The following NTM variants were observed in gnomAD, a reference collection of about 807,000 sequenced individuals.
NTM encodes the protein IgLON family member 2.
NTM carries 13 observed loss-of-function variants against 42.1 expected under a neutral mutation model. That is an observed-to-expected ratio of 0.31 (90% CI 0.20 to 0.49). The LOEUF is 0.49. Ranked by LOEUF, NTM falls within the 20% of genes least tolerant of loss-of-function variation. The pLI is 0.99. For synonymous variants in NTM, 187 were observed against 179.2 expected (o/e 1.04, Z -0.35); for missense variants, 373 against 452.8 (o/e 0.82, Z 1.60).
intron 1 of NTM, among the ~76,000 whole-genome samples, chr11:131,710,317 A>C (rs371444888): frequency 1.3e-5 from 2 of 152,164 alleles, no homozygotes; most frequent in African/African-American, 4.8e-5. Context: ...AATACCCATG[A>C]TATCTTGTTG....
At chr11:132,273,312 T>TC (rs2093573967) in intron 4 of NTM, among the ~76,000 whole-genome samples, 1 of 100,748 alleles carries the variant, frequency 9.9e-6, no homozygotes, top group African/African-American at 3.0e-5. Flanking sequence ...GACTAGTGTT[T>TC]TTTTTTTTTT....
intron 1 of NTM, among the ~76,000 whole-genome samples, chr11:131,438,996 G>A (rs755865467): frequency 1.3e-5 from 2 of 152,188 alleles, no homozygotes; most frequent in Non-Finnish European, 2.9e-5. Context: ...TGTTGATGCT[G>A]ATGCTATTCT....
At chr11:131,704,645 G>A (rs2076405963) in intron 1 of NTM, among the ~76,000 whole-genome samples, 1 of 152,180 alleles carries the variant, frequency 6.6e-6, no homozygotes, top group African/African-American at 2.4e-5. Flanking sequence ...TAGAAATGGA[G>A]ATCTACAAAC....
intron 1 of NTM, among the ~76,000 whole-genome samples, chr11:131,523,635 C>CA (rs2050049513): frequency 6.6e-6 from 1 of 151,822 alleles, no homozygotes; most frequent in Admixed American, 6.6e-5. Context: ...ACTAAAAACA[C>CA]AAAAATTAGC....
At chr11:132,048,818 CTTT>C (rs10563617) in intron 2 of NTM, among the ~76,000 whole-genome samples, 10,005 of 132,884 alleles carry the variant, frequency 0.075, 1,041 homozygotes, top group African/African-American at 0.24. Context: ...TTTCTTTTTT[CTTT>C]TTTTTTTTTT....
chr11:131,794,886 C>T (rs1591908007), intron 1 of NTM: 1 of 985,256 alleles, frequency 1.0e-6, no homozygotes, highest in Non-Finnish European at 1.2e-6. Flanking sequence ...TATATGATGG[C>T]CACCCTTGTC....
intron 1 of NTM, among the ~76,000 whole-genome samples, chr11:131,492,608 T>C (rs1954918649): frequency 1.3e-5 from 2 of 152,306 alleles, no homozygotes; most frequent in Non-Finnish European, 2.9e-5. Context: ...CACACAGGAC[T>C]TGGCCCTTCC....
In NTM at chr11:132,094,835, A is replaced by ATG. The variant is rs760743648; in HGVS notation, c.168-51432_168-51431dup. Among the ~76,000 whole-genome samples, 747 of 151,200 alleles carry ATG rather than the reference A, an allele frequency of 4.9e-3. 4 individuals are homozygous for ATG. The highest frequency in any genetic ancestry group is 0.015 in the African/African-American group (628 of 41,296). ...TGAGTCCATGTGTGCATCAGTGTGT[A>ATG]TGTGTGTGTGTGTGTGCACTGCCTG... On this transcript the variant is annotated intron_variant, in intron 2 of 8. Coordinates refer to ENST00000683400, the MANE Select transcript of NTM (RefSeq NM_001352005.2).
intron 1 of NTM, among the ~76,000 whole-genome samples, chr11:131,812,144 GT>G (rs1166626631): frequency 6.6e-6 from 1 of 150,602 alleles, no homozygotes; most frequent in African/African-American, 2.5e-5. Flanking sequence ...GCCCTCTTGT[GT>G]TTTTTCTCTA....
chr11:132,273,720 A>G (rs952405472), intron 4 of NTM, among the ~76,000 whole-genome samples: 1 of 152,160 alleles, frequency 6.6e-6, no homozygotes, highest in Non-Finnish European at 1.5e-5. Flanking sequence ...CAGCCTGGCC[A>G]ACATGGTGAA....
chr11:131,968,772 C>G (rs372934307), intron 2 of NTM, among the ~76,000 whole-genome samples: 1 of 152,120 alleles, frequency 6.6e-6, no homozygotes, highest in Non-Finnish European at 1.5e-5. Flanking sequence ...TATCCTCCCC[C>G]GAAATGCATT....
intron 5 of NTM, among the ~76,000 whole-genome samples, chr11:132,308,822 A>G (rs1044680816): frequency 2.0e-5 from 3 of 152,220 alleles, no homozygotes; most frequent in African/African-American, 7.2e-5. Context: ...AAGGGACTTA[A>G]GAGGATTTAC....
At chr11:131,794,631 A>ATGAC (rs10624122) in intron 1 of NTM, 3 of 984,442 alleles carry the variant, frequency 3.0e-6, no homozygotes, top group Non-Finnish European at 3.6e-6. Context: ...TGTTGAATGA[A>ATGAC]TGAATGAATG....
At chr11:131,894,002 A>G (rs1217230039) in intron 1 of NTM, among the ~76,000 whole-genome samples, 3 of 152,228 alleles carry the variant, frequency 2.0e-5, no homozygotes, top group African/African-American at 7.2e-5. Context: ...AGAAAGGTGA[A>G]TATCTGGCAT....
intron 7 of NTM, among the ~76,000 whole-genome samples, chr11:132,320,885 C>T (rs2095549962): frequency 6.6e-6 from 1 of 151,690 alleles, no homozygotes; most frequent in South Asian, 2.1e-4. Flanking sequence ...CCCGAGCAGC[C>T]TAACTGGGAG....
At chr11:131,403,706 A>G (rs1207180430) in intron 1 of NTM, among the ~76,000 whole-genome samples, 1 of 152,178 alleles carries the variant, frequency 6.6e-6, no homozygotes, top group Non-Finnish European at 1.5e-5. Flanking sequence ...CAAAAGTTTT[A>G]TAATCTTCCA....
chr11:131,860,882 G>C (rs1421139490), intron 1 of NTM, among the ~76,000 whole-genome samples: 5 of 152,166 alleles, frequency 3.3e-5, no homozygotes, highest in African/African-American at 7.2e-5. Flanking sequence ...AAAAAGGCCT[G>C]GCTGCCAGAG....
chr11:131,494,172 ATTG>A (rs1955090630), intron 1 of NTM, among the ~76,000 whole-genome samples: 1 of 152,102 alleles, frequency 6.6e-6, no homozygotes, highest in Non-Finnish European at 1.5e-5. Flanking sequence ...AATTGTTACT[ATTG>A]TTATTATTAT....
rs1565684826 is a variant in NTM, at chr11:131,598,683, T to TTTTCTTTCTTTCTTTCTTTCTCTTTC, written c.82+227816_82+227817insCTTTCTTTCTTTCTTTCTTTCTTTCT. Among the ~76,000 whole-genome samples, 37 of 74,874 alleles carry TTTTCTTTCTTTCTTTCTTTCTCTTTC rather than the reference T, an allele frequency of 4.9e-4. 14 individuals are homozygous for TTTTCTTTCTTTCTTTCTTTCTCTTTC. The highest frequency in any genetic ancestry group is 1.3e-3 in the Admixed American group (9 of 6,732). The allele number at this position is 74,874 out of a possible 152,430, so 49.1% of individuals were successfully genotyped here. On this transcript the variant is annotated intron_variant, in intron 1 of 8. Coordinates refer to ENST00000683400, the MANE Select transcript of NTM (RefSeq NM_001352005.2). ...AGAACTACTACTCTCTTCTCATTTG[T>TTTTCTTTCTTTCTTTCTTTCTCTTTC]TTTCTTTCTTTCTTTCTTTCTTTCT...
Sources: allele counts gnomAD v4.1 joint callset (sites outside exome capture counted in the v4.1 genomes callset), GRCh38; gene constraint gnomAD v4.1.1; transcripts MANE v1.5; gene names NCBI Gene and HGNC (gene_info 2026-07-23, HGNC 2026-07-21).